The following MYT1 variants were observed in gnomAD, a reference collection of about 807,000 sequenced individuals.
The protein encoded by MYT1 is myelin transcription factor I.
A neutral mutation model predicts 123.0 loss-of-function variants in MYT1; 23 were observed. The ratio of observed to expected loss-of-function variants is 0.19; its 90% CI spans 0.13 to 0.26. The LOEUF (loss-of-function observed/expected upper bound fraction) is 0.26, where lower values mean the gene tolerates loss of function less well. Ranked by LOEUF, MYT1 falls within the 10% of genes least tolerant of loss-of-function variation. MYT1 has a pLI of 1.00. For missense variants in MYT1, 1,125 were observed against 1,472.5 expected (o/e 0.76, Z 3.86); for synonymous variants, 518 against 575.3 (o/e 0.90, Z 1.43).
Position 64,217,220 on chromosome 20 carries a change from T to A in MYT1, c.1785T>A (p.Phe595Leu), listed in dbSNP as rs1486439762. Residue 595 changes from phenylalanine (F) to leucine (L), a missense_variant, in exon 11 of 23, where the codon TTT becomes TTA. Physicochemically the swap from Phe to Leu is conservative, Grantham distance 22. Coordinates refer to ENST00000328439, the MANE Select transcript of MYT1 (RefSeq NM_004535.3). ...ACGCAAGTTTCGATGCTCAGGTTTT[T>A]GGCAAACGCATGCTTGCCCCAAAGA... Reference protein sequence around the residue: ...FDYASFDAQVFGKRMLAPKIQ... With the variant: ...FDYASFDAQVLGKRMLAPKIQ... 1 of 1,614,272 alleles carries A rather than the reference T, an allele frequency of 6.2e-7. No individual in the cohort carries two copies. The highest frequency in any genetic ancestry group is 1.1e-5 in the South Asian group (1 of 91,088).
At position 64,213,249 on chromosome 20, in the gene MYT1, A is replaced by C. The variant is rs1289342633; in HGVS notation, c.1518-285A>C. ...GGAGGCATCTTTGCCCAGAGCTTTCAAGGCCTTTAGGATATATTTCATCTT... is the reference window on the plus strand; with the variant it reads ...GGAGGCATCTTTGCCCAGAGCTTTCCAGGCCTTTAGGATATATTTCATCTT... On this transcript the variant is annotated intron_variant, in intron 9 of 22. Coordinates refer to ENST00000328439, the MANE Select transcript of MYT1 (RefSeq NM_004535.3). This position sits in a 1 kb window ranked among gnomAD's most constrained non-coding sequence, Gnocchi z 5.6. 6.6e-6 allele frequency among the ~76,000 whole-genome samples: 1 copy of C among 152,186 alleles called. No individual in the cohort carries two copies.
In MYT1 at chr20:64,232,253, G is replaced by T. The variant is rs767011977; in HGVS notation, c.2765G>T (p.Arg922Leu). ...RSASGCPLAA[R>L]RQKEGSLNGS... ...GCATCCGGCTGCCCACTGGCCGCCC[G>T]CAGGCAGAAGGAAGGGTCCCTCAAT... Residue 922 changes from arginine (R) to leucine (L), a missense_variant, in exon 19 of 23, where the codon CGC becomes CTC. This residue lies in a region of MYT1 where 243 missense variants were observed against 323.1 expected (regional missense o/e 0.75). Coordinates refer to ENST00000328439, the MANE Select transcript of MYT1 (RefSeq NM_004535.3). This position sits in a 1 kb window ranked among gnomAD's most constrained non-coding sequence, Gnocchi z 6.9. 6.2e-7 allele frequency: 1 copy of T among 1,613,152 alleles called. No homozygotes were observed. Among genetic ancestry groups the T allele is most frequent in the Non-Finnish European group, 8.5e-7 (1 of 1,180,014 alleles).
At position 64,208,612 on chromosome 20, in the gene MYT1, G is replaced by A; in HGVS notation, c.1291+125G>A. The A allele has an allele frequency of 7.1e-7, 1 of 1,418,242 alleles. No individual in the cohort carries two copies. Among genetic ancestry groups the A allele is most frequent in the Non-Finnish European group, 9.3e-7 (1 of 1,077,172 alleles). 87.9% of individuals were successfully genotyped at this position (1,418,242 alleles called of 1,614,324 possible). Reference sequence around the variant, plus strand: ...GGGATGGCAGAAAAGCAGACAAAAGGACAAATACATGACACAGACTGTGGT... The same window carrying A: ...GGGATGGCAGAAAAGCAGACAAAAGAACAAATACATGACACAGACTGTGGT... On this transcript the variant is annotated intron_variant, in intron 7 of 22. Transcript: ENST00000328439. The surrounding 1 kb of genome is among the most constrained non-coding windows in gnomAD (Gnocchi z 5.4).
Position 64,196,378 on chromosome 20 carries a change from G to A in MYT1, c.1-2484G>A, listed in dbSNP as rs966529382. Among the ~76,000 whole-genome samples, 9 of 152,322 alleles carry A rather than the reference G, an allele frequency of 5.9e-5. No homozygotes were observed. Among genetic ancestry groups the A allele is most frequent in the Middle Eastern group, 3.4e-3 (1 of 294 alleles). On this transcript the variant is annotated intron_variant, in intron 2 of 22. Transcript: ENST00000328439. The surrounding 1 kb of genome is among the most constrained non-coding windows in gnomAD (Gnocchi z 4.3). Reference sequence around the variant, plus strand: ...TACCACATCGTGGTGCCGATCTTGCGGCAGGAGGAGAGCAGAGAACTCACC... The same window carrying A: ...TACCACATCGTGGTGCCGATCTTGCAGCAGGAGGAGAGCAGAGAACTCACC...
chr20:64,174,905 C>T (rs58853756), intron 1 of MYT1, among the ~76,000 whole-genome samples: 9 of 1,060 alleles, frequency 8.5e-3, no homozygotes, highest in Admixed American at 0.043. Flanking sequence ...GTAGTTGTGT[C>T]CATTTCCCCT....
intron 18 of MYT1, among the ~76,000 whole-genome samples, chr20:64,229,245 G>A (rs1184328744): frequency 6.6e-6 from 1 of 152,202 alleles, no homozygotes; most frequent in East Asian, 1.9e-4. Flanking sequence ...TGGATAAAAA[G>A]CATTTTGCCC....
At chr20:64,219,236 T>C (rs1312151978) in intron 12 of MYT1, among the ~76,000 whole-genome samples, 1 of 152,176 alleles carries the variant, frequency 6.6e-6, no homozygotes. Context: ...GAACCTGGTG[T>C]GCTGAGTGAA....
chr20:64,167,501 G>T lies in MYT1; in HGVS notation c.-99+2762G>T, dbSNP rs1024844389. Among the ~76,000 whole-genome samples, 1 of 152,200 alleles carries T rather than the reference G, an allele frequency of 6.6e-6. No individual in the cohort carries two copies. Among genetic ancestry groups the T allele is most frequent in the African/African-American group, 2.4e-5 (1 of 41,440 alleles). ...AACAGGGGTCAGGAGGTTAGCTGTG[G>T]GGTGGGTGGGGGCTGCTGGCGGTCA... On this transcript the variant is annotated intron_variant, in intron 1 of 22. Coordinates refer to ENST00000328439, the MANE Select transcript of MYT1 (RefSeq NM_004535.3). The surrounding 1 kb of genome is among the most constrained non-coding windows in gnomAD (Gnocchi z 6.3).
At position 64,205,065 on chromosome 20, in the gene MYT1, G is replaced by A. The variant is rs201032939; in HGVS notation, c.117G>A (p.Gly39=). 9.9e-5 allele frequency: 160 copies of A among 1,614,032 alleles called. No homozygotes were observed. The East Asian group carries it at 2.4e-3, about 24-fold the overall frequency. ...SCPTPGCTGS[G]HVRGKYSRHR... ...CCACCCCAGGATGCACAGGCTCAGGGCACGTCCGGGGCAAGTACTCCAGGC... is the reference window on the plus strand; with the variant it reads ...CCACCCCAGGATGCACAGGCTCAGGACACGTCCGGGGCAAGTACTCCAGGC... Residue 39 remains glycine (G), a synonymous_variant, in exon 5 of 23, where the codon GGG becomes GGA. Coordinates refer to ENST00000328439, the MANE Select transcript of MYT1 (RefSeq NM_004535.3).
chr20:64,227,723 G>A (rs572660227), intron 17 of MYT1, among the ~76,000 whole-genome samples, 165 bp from the exon 18 acceptor site: 1 of 152,184 alleles, frequency 6.6e-6, no homozygotes, highest in African/African-American at 2.4e-5. Flanking sequence ...TCGTGTGAAG[G>A]CTGTGTCTGT....
At chr20:64,228,025 G>A (rs1984220476) in intron 18 of MYT1, 54 bp downstream of exon 18, 1 of 1,561,028 alleles carries the variant, frequency 6.4e-7, no homozygotes, top group East Asian at 2.3e-5. Context: ...AGATTTTCGT[G>A]TGTTTTATAA....
intron 1 of MYT1, among the ~76,000 whole-genome samples, chr20:64,172,233 G>A (rs1458696850): frequency 6.6e-6 from 1 of 152,216 alleles, no homozygotes; most frequent in Non-Finnish European, 1.5e-5. Context: ...CTGAGCCCTG[G>A]AGCTAGGGCT....
At chr20:64,199,258 G>T (rs1021857710) in intron 3 of MYT1, among the ~76,000 whole-genome samples, 1 of 152,242 alleles carries the variant, frequency 6.6e-6, no homozygotes, top group Non-Finnish European at 1.5e-5. Context: ...CAGGCGATCA[G>T]TCTTGGTGCT....
chr20:64,214,337 G>A (rs934731039), intron 10 of MYT1, among the ~76,000 whole-genome samples: 3 of 151,996 alleles, frequency 2.0e-5, no homozygotes, highest in African/African-American at 4.8e-5. Flanking sequence ...ATGTTCACAC[G>A]CCTGTTTGTG....
intron 1 of MYT1, among the ~76,000 whole-genome samples, chr20:64,179,236 T>C (rs1982570781): frequency 6.6e-6 from 1 of 152,094 alleles, no homozygotes; most frequent in South Asian, 2.1e-4. Context: ...GGGATGCCCT[T>C]CAACGTGGGA....
At position 64,223,267 on chromosome 20, in the gene MYT1, A is replaced by C. The variant is rs746355091; in HGVS notation, c.2460-24A>C. 28 of 1,613,830 alleles carry C rather than the reference A, an allele frequency of 1.7e-5. No individual in the cohort carries two copies. In the East Asian group the frequency reaches 6.0e-4, roughly 35 times the overall value. Reference sequence around the variant, plus strand: ...CTGCTCTCCCTCTTTGGCTTACCCCAATATCCCATCTCTTCTCTTTCAGCC... The same window carrying C: ...CTGCTCTCCCTCTTTGGCTTACCCCCATATCCCATCTCTTCTCTTTCAGCC... On this transcript the variant is annotated intron_variant, in intron 15 of 22. Coordinates refer to ENST00000328439, the MANE Select transcript of MYT1 (RefSeq NM_004535.3).
At position 64,232,813 on chromosome 20, in the gene MYT1, T is replaced by C. The variant is rs139439901; in HGVS notation, c.2897+428T>C. On this transcript the variant is annotated intron_variant, in intron 19 of 22. Transcript: ENST00000328439. The surrounding 1 kb of genome is among the most constrained non-coding windows in gnomAD (Gnocchi z 6.9). ...GGAAAAGTTTGTCTCCTACACCTTA[T>C]GCCCTGTCCGTCCCATTCATGCCTC... Among the ~76,000 whole-genome samples the C allele has an allele frequency of 4.1e-4, 62 of 152,076 alleles. No homozygotes were observed. The East Asian group carries it at 9.9e-3, about 24-fold the overall frequency.
chr20:64,239,818 A>G lies in MYT1; in HGVS notation c.3152A>G (p.Glu1051Gly). The change falls in exon 22 of 23, where the codon GAG becomes GGG. Residue 1051 changes from glutamate (E) to glycine (G), a missense_variant. Transcript: ENST00000328439. ...GAGGAGGAGAACAAGCTCATTGAGG[A>G]GCAGAATGAAGCCCTGTTTCTGGAG... ...NIEEENKLIEEQNEALFLELS... is the reference protein window; with the variant it reads ...NIEEENKLIEGQNEALFLELS... The G allele has an allele frequency of 6.2e-7, 1 of 1,613,982 alleles. No individual in the cohort carries two copies. Among genetic ancestry groups the G allele is most frequent in the Non-Finnish European group, 8.5e-7 (1 of 1,180,026 alleles).
At chr20:64,235,750 C>G (rs1984507825) in intron 19 of MYT1, among the ~76,000 whole-genome samples, 1 of 122,218 alleles carries the variant, frequency 8.2e-6, no homozygotes, top group Non-Finnish European at 1.7e-5. Flanking sequence ...GGTGGGTGAC[C>G]CTTGGATGGC....
Sources: allele counts gnomAD v4.1 joint callset (sites outside exome capture counted in the v4.1 genomes callset), GRCh38; gene constraint gnomAD v4.1.1; regional missense constraint gnomAD v4.1.1; non-coding constraint Gnocchi (gnomAD v3.1); transcripts MANE v1.5; gene names NCBI Gene and HGNC (gene_info 2026-07-23, HGNC 2026-07-21).